STAM: variants seen among roughly 807,000 people sequenced by gnomAD.
The protein encoded by STAM is signal transducing adapter molecule 1.
STAM carries 16 observed loss-of-function variants against 63.4 expected under a neutral mutation model. The ratio of observed to expected loss-of-function variants is 0.25; its 90% confidence interval spans 0.17 to 0.38. The LOEUF is 0.38. Among genes scored for constraint, STAM ranks in the 10% least tolerant of loss-of-function variants. The pLI, the probability that STAM is intolerant of heterozygous loss-of-function variation, is 1.00. For synonymous variants in STAM, 238 were observed against 223.9 expected, an observed-to-expected ratio of 1.06 and a Z score of -0.56; for missense variants, 636 against 657.1, an observed-to-expected ratio of 0.97 and a Z score of 0.35.
chr10:17,689,877 T>C (rs1479351369), intron 5 of STAM, among the ~76,000 whole-genome samples: 1 of 152,182 alleles, frequency 6.6e-6, no homozygotes, highest in Non-Finnish European at 1.5e-5. Flanking sequence ...CTTCAGAGGA[T>C]TTATATGCAC....
At chr10:17,713,098 G>A (rs1162512293) in intron 13 of STAM, among the ~76,000 whole-genome samples, 3 of 152,110 alleles carry the variant, frequency 2.0e-5, no homozygotes, top group African/African-American at 4.8e-5. Flanking sequence ...TTGACAGTTC[G>A]TGATTCCCTC....
At chr10:17,666,192 C>G (rs1318183522) in intron 2 of STAM, among the ~76,000 whole-genome samples, 1 of 151,966 alleles carries the variant, frequency 6.6e-6, no homozygotes, top group Non-Finnish European at 1.5e-5. Context: ...TAGCTTTAGC[C>G]AAAGATATAG....
At chr10:17,710,676 T>C (rs1347690564) in intron 13 of STAM, among the ~76,000 whole-genome samples, 1 of 152,198 alleles carries the variant, frequency 6.6e-6, no homozygotes, top group Non-Finnish European at 1.5e-5. Context: ...GTATCCCCAC[T>C]GAAGACAGTA....
At chr10:17,694,236 T>G (rs1835662850) in intron 6 of STAM, among the ~76,000 whole-genome samples, 1 of 152,178 alleles carries the variant, frequency 6.6e-6, no homozygotes, top group Non-Finnish European at 1.5e-5. Context: ...CAAGTAGAAA[T>G]TTTAAGTTTT....
intron 2 of STAM, among the ~76,000 whole-genome samples, chr10:17,668,471 G>A (rs1834490446): frequency 6.6e-6 from 1 of 152,116 alleles, no homozygotes. Flanking sequence ...TTGCATTAAG[G>A]TACACTTTGT....
chr10:17,713,446 G>T (rs1179008815), intron 13 of STAM, among the ~76,000 whole-genome samples: 1 of 152,072 alleles, frequency 6.6e-6, no homozygotes, highest in Admixed American at 6.5e-5. Context: ...CTCTTTGCTT[G>T]CCAGTTTTTT....
intron 2 of STAM, among the ~76,000 whole-genome samples, chr10:17,679,502 C>G (rs11597146): frequency 0.12 from 18,302 of 151,296 alleles, 1,205 homozygotes; most frequent in Middle Eastern, 0.26. Context: ...TTCTCCCATT[C>G]TGTGGGTTGA....
At chr10:17,703,191 C>T (rs1038907951) in intron 9 of STAM, among the ~76,000 whole-genome samples, 1 of 151,948 alleles carries the variant, frequency 6.6e-6, no homozygotes, top group Non-Finnish European at 1.5e-5. Context: ...TTTCATTTGA[C>T]CTTTTTTTGT....
At chr10:17,661,040 G>A (rs1471176561) in intron 2 of STAM, among the ~76,000 whole-genome samples, 1 of 152,014 alleles carries the variant, frequency 6.6e-6, no homozygotes, top group African/African-American at 2.4e-5. Flanking sequence ...TGTCAGATTT[G>A]CAACATTCCA....
intron 1 of STAM, among the ~76,000 whole-genome samples, chr10:17,651,874 T>G (rs1833754975): frequency 6.6e-6 from 1 of 152,240 alleles, no homozygotes; most frequent in Non-Finnish European, 1.5e-5. Flanking sequence ...TGCGAAGTCC[T>G]CCTGTCAGCA....
intron 1 of STAM, among the ~76,000 whole-genome samples, chr10:17,657,051 G>A (rs1280950969): frequency 1.3e-5 from 2 of 152,074 alleles, no homozygotes; most frequent in Non-Finnish European, 2.9e-5. Flanking sequence ...CCCATCGGAG[G>A]CTTTTTTCCC....
At chr10:17,683,547 G>A (rs1008927554) in intron 2 of STAM, among the ~76,000 whole-genome samples, 1 of 151,982 alleles carries the variant, frequency 6.6e-6, no homozygotes, top group Non-Finnish European at 1.5e-5. Context: ...CTGTACTTCA[G>A]TTTGGGTACT....
At chr10:17,677,222 A>T (rs1554824751) in intron 2 of STAM, among the ~76,000 whole-genome samples, 1 of 152,178 alleles carries the variant, frequency 6.6e-6, no homozygotes, top group Non-Finnish European at 1.5e-5. Context: ...TGTCTAAAAT[A>T]AAAAGGAATA....
At chr10:17,649,956 C>G (rs1294627071) in intron 1 of STAM, among the ~76,000 whole-genome samples, 1 of 152,196 alleles carries the variant, frequency 6.6e-6, no homozygotes, top group South Asian at 2.1e-4. Flanking sequence ...TGACTTGAAA[C>G]CCAAGAGGCA....
At chr10:17,668,788 T>C (rs1834506469) in intron 2 of STAM, among the ~76,000 whole-genome samples, 1 of 152,240 alleles carries the variant, frequency 6.6e-6, no homozygotes, top group South Asian at 2.1e-4. Flanking sequence ...TTTTCGTGGC[T>C]CAGTAGTTCA....
chr10:17,680,472 G>T (rs1361403761), intron 2 of STAM, among the ~76,000 whole-genome samples: 1 of 150,904 alleles, frequency 6.6e-6, no homozygotes, highest in Non-Finnish European at 1.5e-5. Flanking sequence ...ACCCAGGCTG[G>T]AGTTCAGTGG....
At chr10:17,693,100 G>T (rs1835610714) in intron 5 of STAM, 122 bp from the exon 6 acceptor site, 10 of 718,050 alleles carry the variant, frequency 1.4e-5, no homozygotes, top group Admixed American at 7.5e-5. Flanking sequence ...GCTGCAGTTT[G>T]GATTTCTTCT....
At chr10:17,659,396 GAAAAAT>G (rs566791681) in intron 1 of STAM, among the ~76,000 whole-genome samples, 95 of 142,716 alleles carry the variant, frequency 6.7e-4, no homozygotes, top group African/African-American at 2.0e-3. Flanking sequence ...AGAGTAAGAA[GAAAAAT>G]AAAAATAAAA....
At position 17,676,798 on chromosome 10, in the gene STAM, A is replaced by G. The variant is rs117638768; in HGVS notation, c.126-7877A>G. Among the ~76,000 whole-genome samples the G allele has an allele frequency of 5.4e-4, 82 of 152,312 alleles. No homozygotes were observed. In the East Asian group the frequency reaches 0.012, roughly 22 times the overall value. ...TGTCATTGGAAGGATAATAGCCAGAAGTATACTCACGTTAAATTCACTTAT... is the reference window on the plus strand; with the variant it reads ...TGTCATTGGAAGGATAATAGCCAGAGGTATACTCACGTTAAATTCACTTAT... On this transcript the variant is annotated intron_variant, in intron 2 of 13. Coordinates refer to ENST00000377524, the MANE Select transcript of STAM (RefSeq NM_003473.4).
Sources: allele counts gnomAD v4.1 joint callset (sites outside exome capture counted in the v4.1 genomes callset), GRCh38; gene constraint gnomAD v4.1.1; transcripts MANE v1.5; gene names NCBI Gene and HGNC (gene_info 2026-07-23, HGNC 2026-07-21).